Variants in CLEC9A observed in about 807,000 individuals in gnomAD.
The protein encoded by CLEC9A is C-type lectin domain containing 9A.
CLEC9A carries 24 observed loss-of-function variants against 30.0 expected under a neutral mutation model. The observed-to-expected ratio is 0.80, with a 90% CI of 0.58 to 1.13. The LOEUF is 1.13. Ranked by LOEUF, CLEC9A falls within the 50% of genes most tolerant of loss-of-function variation. CLEC9A has a pLI of 0.00. For missense variants in CLEC9A, 251 were observed against 280.9 expected, an observed-to-expected ratio of 0.89 and a Z score of 0.76; for synonymous variants, 111 against 96.8, an observed-to-expected ratio of 1.15 and a Z score of -0.86.
chr12:10,061,307 T>A, intron 6 of CLEC9A, 34 bp downstream of exon 6: 1 of 1,569,058 alleles, frequency 6.4e-7, no homozygotes, highest in Non-Finnish European at 8.6e-7. Context: ...ACTGTATACA[T>A]CTAAATATAT....
In CLEC9A at chr12:10,044,584, C is replaced by T. The variant is rs184771557; in HGVS notation, c.-163+2964C>T. Among the ~76,000 whole-genome samples, 145 of 152,336 alleles carry T rather than the reference C, an allele frequency of 9.5e-4. 1 individual carries two copies. Among genetic ancestry groups the T allele is most frequent in the African/African-American group, 3.1e-3 (130 of 41,568 alleles). ...CTCCTAGAATGCTCTGCCTCCACAA[C>T]TCCATGACTGTTTCCTTCTTGTGAA... is the stretch of plus-strand genomic sequence containing the variant. On this transcript the variant is annotated intron_variant, in intron 2 of 8. Transcript: ENST00000355819.
At position 10,046,634 on chromosome 12, in the gene CLEC9A, TTAAC is replaced by T. The variant is rs1865848850; in HGVS notation, c.-163+5017_-163+5020del. 3.3e-5 allele frequency among the ~76,000 whole-genome samples: 5 copies of T among 152,334 alleles called. No homozygotes were observed. The South Asian group carries it at 8.3e-4, about 25-fold the overall frequency. On this transcript the variant is annotated intron_variant, in intron 2 of 8. Transcript: ENST00000355819. The stretch of plus-strand genomic sequence containing the variant: ...ATTTCTTTCCCACAGCTTCCCTTCT[TTAAC>T]TAGTGAATACAATTTATAAACATGA...
At chr12:10,032,557 A>AT (rs897984595) in intron 1 of CLEC9A, among the ~76,000 whole-genome samples, 14 of 151,100 alleles carry the variant, frequency 9.3e-5, no homozygotes, top group East Asian at 3.9e-4. Flanking sequence ...AGCCTGGCTA[A>AT]TTTTTTTTTA....
At chr12:10,044,862 C>A (rs529669070) in intron 2 of CLEC9A, among the ~76,000 whole-genome samples, 2 of 152,304 alleles carry the variant, frequency 1.3e-5, no homozygotes, top group South Asian at 2.1e-4. Flanking sequence ...GCCCATAGAA[C>A]AACTTTGTCA....
chr12:10,055,481 C>A (rs1206068383), intron 5 of CLEC9A, among the ~76,000 whole-genome samples: 1 of 152,010 alleles, frequency 6.6e-6, no homozygotes, highest in Non-Finnish European at 1.5e-5. Flanking sequence ...TTGCAAATAT[C>A]AAAAAATATT....
intron 2 of CLEC9A, chr12:10,043,111 A>G: frequency 3.9e-6 from 1 of 258,754 alleles, no homozygotes; most frequent in South Asian, 3.8e-5. Context: ...ATGTAATCCA[A>G]CTTTTTTTTT....
At chr12:10,055,688 A>G (rs377239789) in intron 5 of CLEC9A, among the ~76,000 whole-genome samples, 4 of 152,162 alleles carry the variant, frequency 2.6e-5, no homozygotes, top group South Asian at 2.1e-4. Flanking sequence ...ACATAAATCT[A>G]TAGTCTCCAA....
In CLEC9A at chr12:10,061,182, G is replaced by C. The variant is rs774897280; in HGVS notation, c.228G>C (p.Glu76Asp). ...MQQQEKLIQQ[E>D]RALLNFTEWK... ...AGCAAGAAAAACTCATCCAACAAGA[G>C]AGGGCACTGCTAAACTTTACAGAAT... Residue 76 changes from glutamate to aspartate, a missense_variant, in exon 6 of 9, where the codon GAG becomes GAC. By Grantham distance (45) the Glu-to-Asp change is conservative. Coordinates refer to ENST00000355819, the MANE Select transcript of CLEC9A (RefSeq NM_207345.4). 4 of 1,613,352 alleles carry C rather than the reference G, an allele frequency of 2.5e-6. No homozygotes were observed. In the African/African-American group the frequency reaches 4.0e-5, roughly 16 times the overall value.
At chr12:10,047,637 A>C (rs754046312) in intron 2 of CLEC9A, among the ~76,000 whole-genome samples, 2 of 152,224 alleles carry the variant, frequency 1.3e-5, no homozygotes, top group Admixed American at 6.5e-5. Context: ...CACCACAATA[A>C]AGCAATTATT....
intron 1 of CLEC9A, among the ~76,000 whole-genome samples, chr12:10,032,242 T>G (rs1865704192): frequency 6.6e-6 from 1 of 152,088 alleles, no homozygotes. Flanking sequence ...CTAGCAACCA[T>G]AGACGCAGGA....
At chr12:10,037,449 G>T (rs1949855221) in intron 1 of CLEC9A, among the ~76,000 whole-genome samples, 1 of 152,042 alleles carries the variant, frequency 6.6e-6, no homozygotes, top group African/African-American at 2.4e-5. Flanking sequence ...CATTCAGGCA[G>T]CTCAGGGCCA....
At chr12:10,037,252 G>A (rs557767028) in intron 1 of CLEC9A, among the ~76,000 whole-genome samples, 45 of 152,200 alleles carry the variant, frequency 3.0e-4, no homozygotes, top group African/African-American at 1.0e-3. Context: ...AAACCATGCC[G>A]TTCAACAATA....
intron 4 of CLEC9A, 43 bp downstream of exon 4, chr12:10,052,821 G>GCT: frequency 7.2e-7 from 1 of 1,382,434 alleles, no homozygotes. Flanking sequence ...TAGAGTTCAT[G>GCT]TTTTTTTTTT....
At chr12:10,037,688 A>AT (rs34394513) in intron 1 of CLEC9A, among the ~76,000 whole-genome samples, 2 of 152,188 alleles carry the variant, frequency 1.3e-5, no homozygotes, top group Non-Finnish European at 2.9e-5. Context: ...CTGGGAAGCA[A>AT]TTTTTTTTCT....
rs372232633 is a variant in CLEC9A, at chr12:10,033,169, CA to C, written c.-318+2199del. Among the ~76,000 whole-genome samples the C allele has an allele frequency of 2.6e-3, 394 of 152,218 alleles. 3 individuals are homozygous for C. Among genetic ancestry groups the C allele is most frequent in the African/African-American group, 9.2e-3 (382 of 41,552 alleles). On this transcript the variant is annotated intron_variant, in intron 1 of 8. Transcript: ENST00000355819. ...GTGTTCCCTAGGACACCGTTCTCTT[CA>C]ATTTCCTTTTGCTTCATTCACAACC...
At chr12:10,056,753 AAATGTT>A (rs1865947719) in intron 5 of CLEC9A, among the ~76,000 whole-genome samples, 1 of 152,174 alleles carries the variant, frequency 6.6e-6, no homozygotes, top group Non-Finnish European at 1.5e-5. Flanking sequence ...TATATTTAAA[AAATGTT>A]AACTCCCCAA....
In CLEC9A at chr12:10,054,317, A is replaced by T. The variant is rs760895255; in HGVS notation, c.138A>T (p.Gly46=). 6 of 1,613,036 alleles carry T rather than the reference A, an allele frequency of 3.7e-6. No homozygotes were observed. Among genetic ancestry groups the T allele is most frequent in the Non-Finnish European group, 4.2e-6 (5 of 1,179,380 alleles). Residue 46 remains glycine, a synonymous_variant, in exon 5 of 9, where the codon GGA becomes GGT. Transcript: ENST00000355819. Reference sequence around the variant, plus strand: ...TGATTTCATGTGTTTTCTGCATGGGATTATTAACAGCATCCATTTTCTTGG... The same window carrying T: ...TGATTTCATGTGTTTTCTGCATGGGTTTATTAACAGCATCCATTTTCTTGG... ...VMVISCVFCM[G]LLTASIFLGV...
At chr12:10,043,828 C>T (rs1252210188) in intron 2 of CLEC9A, among the ~76,000 whole-genome samples, 3 of 151,880 alleles carry the variant, frequency 2.0e-5, no homozygotes, top group Admixed American at 6.6e-5. Context: ...ATTACAGGCA[C>T]GCGCCACCAC....
At chr12:10,062,818 AAT>A (rs1401919527) in intron 6 of CLEC9A, among the ~76,000 whole-genome samples, 1 of 152,206 alleles carries the variant, frequency 6.6e-6, no homozygotes, top group Non-Finnish European at 1.5e-5. Context: ...AATTTAGTTA[AAT>A]ATATCCCAAA....
Sources: allele counts gnomAD v4.1 joint callset (sites outside exome capture counted in the v4.1 genomes callset), GRCh38; gene constraint gnomAD v4.1.1; transcripts MANE v1.5; gene names NCBI Gene and HGNC (gene_info 2026-07-23, HGNC 2026-07-21).